UBE2E3: variants seen among roughly 807,000 people sequenced by gnomAD.
UBE2E3 encodes ubiquitin conjugating enzyme E2 E3.
In UBE2E3, 5 loss-of-function variants were observed where a neutral mutation model predicts 23.6. That is an observed-to-expected ratio of 0.21 (90% CI 0.11 to 0.44). The LOEUF is 0.44. Among genes scored for constraint, UBE2E3 ranks in the 20% least tolerant of loss-of-function variants. The pLI, the probability that UBE2E3 is intolerant of heterozygous loss-of-function variation, is 0.99. For synonymous variants in UBE2E3, 78 were observed against 87.5 expected (o/e 0.89, Z 0.60); for missense variants, 81 against 249.8 (o/e 0.32, Z 4.55).
chr2:181,036,982 CTTGA>C (rs1164877661), intron 3 of UBE2E3, among the ~76,000 whole-genome samples: 1 of 152,172 alleles, frequency 6.6e-6, no homozygotes. Context: ...TGTATTGAAC[CTTGA>C]TTGTGACCTC....
Position 181,062,969 on chromosome 2 carries a change from G to A in UBE2E3, c.*81G>A, listed in dbSNP as rs189091837. ...CAAATCTTTATAGCCTTTACAATAC[G>A]GACTTCTGTGTATATGTTATACTGA... On this transcript the variant is annotated 3_prime_UTR_variant, in exon 6 of 6. Coordinates refer to ENST00000410062, the MANE Select transcript of UBE2E3 (RefSeq NM_006357.4). 9.9e-5 allele frequency: 80 copies of A among 810,396 alleles called. 2 individuals carry two copies. The Admixed American group carries it at 1.5e-3, about 15-fold the overall frequency. 50.2% of individuals were successfully genotyped at this position (810,396 alleles called of 1,614,324 possible).
intron 3 of UBE2E3, among the ~76,000 whole-genome samples, chr2:181,050,899 C>G (rs559377697): frequency 1.3e-5 from 2 of 151,980 alleles, no homozygotes; most frequent in Admixed American, 1.3e-4. Context: ...AAACTTCCTT[C>G]TTTCTTGTTT....
At position 180,990,257 on chromosome 2, in the gene UBE2E3, A is replaced by G. The variant is rs77975716; in HGVS notation, c.245+6164A>G. Among the ~76,000 whole-genome samples, 1,048 of 152,316 alleles carry G rather than the reference A, an allele frequency of 6.9e-3. 14 individuals are homozygous for G. The highest frequency in any genetic ancestry group is 0.024 in the African/African-American group (1,006 of 41,568). ...GAAGGAGAAGGGGGCTACCACTGAC[A>G]TTAGTAGGTAGACGTCAGTGGTACT... On this transcript the variant is annotated intron_variant, in intron 3 of 5. Transcript: ENST00000410062.
chr2:181,049,607 A>G (rs541092083), intron 3 of UBE2E3, among the ~76,000 whole-genome samples: 1 of 152,184 alleles, frequency 6.6e-6, no homozygotes, highest in East Asian at 1.9e-4. Flanking sequence ...TAGACAAAGC[A>G]CAAGCTTTAT....
intron 3 of UBE2E3, among the ~76,000 whole-genome samples, chr2:181,055,326 G>A (rs1161813943): frequency 6.6e-6 from 1 of 151,722 alleles, no homozygotes; most frequent in Non-Finnish European, 1.5e-5. Flanking sequence ...AGGAAAAATG[G>A]ATGATGATTC....
intron 1 of UBE2E3, among the ~76,000 whole-genome samples, chr2:180,981,671 C>G (rs1312916461): frequency 6.6e-6 from 1 of 152,152 alleles, no homozygotes; most frequent in Non-Finnish European, 1.5e-5. Flanking sequence ...CATTTTTCAG[C>G]GAGATCTGTT....
At chr2:181,000,820 A>G (rs896465335) in intron 3 of UBE2E3, among the ~76,000 whole-genome samples, 3 of 152,082 alleles carry the variant, frequency 2.0e-5, no homozygotes, top group Admixed American at 2.0e-4. Flanking sequence ...TTCCAAAGTG[A>G]GAGTAACTTT....
intron 3 of UBE2E3, among the ~76,000 whole-genome samples, chr2:181,032,084 T>C (rs1347005792): frequency 6.6e-6 from 1 of 152,200 alleles, no homozygotes; most frequent in Non-Finnish European, 1.5e-5. Context: ...ATAATCACTT[T>C]GCTGAGGTTT....
chr2:181,046,463 G>A (rs1686677005), intron 3 of UBE2E3, among the ~76,000 whole-genome samples: 1 of 152,136 alleles, frequency 6.6e-6, no homozygotes, highest in South Asian at 2.1e-4. Context: ...CTGGGCTAGA[G>A]CTTGACACAT....
chr2:181,001,505 G>A (rs759833914), intron 3 of UBE2E3, among the ~76,000 whole-genome samples: 2 of 152,276 alleles, frequency 1.3e-5, no homozygotes, highest in African/African-American at 4.8e-5. Flanking sequence ...AGACAATTTG[G>A]AGAAGGGATG....
intron 3 of UBE2E3, among the ~76,000 whole-genome samples, chr2:180,995,224 A>T (rs1684788524): frequency 1.3e-5 from 2 of 152,100 alleles, no homozygotes; most frequent in South Asian, 2.1e-4. Flanking sequence ...GGCACTAGTG[A>T]TGCTGGAAAT....
intron 3 of UBE2E3, among the ~76,000 whole-genome samples, chr2:181,026,514 AT>A (rs776158592): frequency 0.042 from 5,773 of 138,554 alleles, 142 homozygotes; most frequent in African/African-American, 0.069. Flanking sequence ...TCTTTCAACT[AT>A]TTTTTTTTTT....
intron 5 of UBE2E3, 29 bp from the exon 6 acceptor site, chr2:181,062,762 A>G: frequency 1.4e-6 from 2 of 1,418,574 alleles, no homozygotes; most frequent in African/African-American, 2.8e-5. Context: ...ACCACAAAAT[A>G]GCTTTTAATG....
rs116184302 is a variant in UBE2E3 at position 181,024,675 on chromosome 2, C to T, written c.246-33018C>T. ...GAAAATGTGTAAACATACAATAAAG[C>T]TGAAAATTTTAGTGACTACTTATAT... On this transcript the variant is annotated intron_variant, in intron 3 of 5. Coordinates refer to ENST00000410062, the MANE Select transcript of UBE2E3 (RefSeq NM_006357.4). 1.9e-3 allele frequency among the ~76,000 whole-genome samples: 290 copies of T among 152,074 alleles called. 1 individual carries two copies. Among genetic ancestry groups the T allele is most frequent in the African/African-American group, 6.6e-3 (276 of 41,516 alleles).
chr2:181,057,127 A>G (rs1687011752), intron 3 of UBE2E3, among the ~76,000 whole-genome samples: 1 of 151,878 alleles, frequency 6.6e-6, no homozygotes, highest in Non-Finnish European at 1.5e-5. Flanking sequence ...GACACAGGAA[A>G]TAACGTGGTT....
chr2:181,039,769 T>TG (rs1686425174), intron 3 of UBE2E3, among the ~76,000 whole-genome samples: 1 of 152,144 alleles, frequency 6.6e-6, no homozygotes, highest in Non-Finnish European at 1.5e-5. Flanking sequence ...GTGGTATCCT[T>TG]GGGGGATTGG....
At chr2:180,991,632 GA>G (rs1050924062) in intron 3 of UBE2E3, among the ~76,000 whole-genome samples, 26 of 152,288 alleles carry the variant, frequency 1.7e-4, no homozygotes, top group African/African-American at 6.0e-4. Flanking sequence ...TAAAACATGA[GA>G]TTTTTTTTGC....
intron 3 of UBE2E3, among the ~76,000 whole-genome samples, chr2:181,030,915 T>G (rs2105646196): frequency 6.6e-6 from 1 of 152,306 alleles, no homozygotes; most frequent in South Asian, 2.1e-4. Context: ...AAAAAAAATT[T>G]TAGTTTTTAT....
At chr2:181,061,869 T>C (rs527616948) in intron 5 of UBE2E3, among the ~76,000 whole-genome samples, 33 of 151,598 alleles carry the variant, frequency 2.2e-4, no homozygotes, top group African/African-American at 7.2e-4. Context: ...GAGATACATA[T>C]GCAATAGATA....
Sources: gnomAD v4.1 joint callset for allele counts (sites outside exome capture counted in the v4.1 genomes callset) on GRCh38, gnomAD v4.1.1 for gene constraint, MANE v1.5 for transcripts, NCBI Gene and HGNC (gene_info 2026-07-23, HGNC 2026-07-21) for gene names.